FAM241A: variants seen among roughly 807,000 people sequenced by gnomAD.
The protein encoded by FAM241A is uncharacterized protein FAM241A.
In FAM241A, 7 loss-of-function variants were observed where a neutral mutation model predicts 12.2. That is an observed-to-expected ratio of 0.58 (90% CI 0.33 to 1.08). The LOEUF (loss-of-function observed/expected upper bound fraction) is 1.08. Ranked by LOEUF, FAM241A falls within the 50% of genes least tolerant of loss-of-function variation. The pLI, the probability that FAM241A is intolerant of heterozygous loss-of-function variation, is 0.04. For missense variants in FAM241A, 161 were observed against 169.7 expected, an observed-to-expected ratio of 0.95 and a Z score of 0.29; for synonymous variants, 74 against 68.2, an observed-to-expected ratio of 1.08 and a Z score of -0.42.
At chr4:112,164,839 C>G (rs375318104) in intron 1 of FAM241A, among the ~76,000 whole-genome samples, 5 of 152,100 alleles carry the variant, frequency 3.3e-5, no homozygotes, top group Non-Finnish European at 7.4e-5. Context: ...GGCCAGGTGC[C>G]GTGGCTCACG....
At chr4:112,153,258 A>G (rs575059657) in intron 1 of FAM241A, among the ~76,000 whole-genome samples, 23 of 152,284 alleles carry the variant, frequency 1.5e-4, no homozygotes, top group African/African-American at 5.3e-4. Flanking sequence ...AAAAATACCC[A>G]CCTCCTCTGT....
At chr4:112,170,927 C>T (rs1009059086) in intron 1 of FAM241A, among the ~76,000 whole-genome samples, 3 of 148,600 alleles carry the variant, frequency 2.0e-5, no homozygotes, top group African/African-American at 7.4e-5. Context: ...GCTCAATGTG[C>T]TTAGTCTTTG....
chr4:112,157,854 C>A (rs968871705), intron 1 of FAM241A, among the ~76,000 whole-genome samples: 6 of 152,224 alleles, frequency 3.9e-5, no homozygotes, highest in African/African-American at 1.4e-4. Flanking sequence ...AGCATATTTT[C>A]TCTGACTGTT....
intron 1 of FAM241A, among the ~76,000 whole-genome samples, chr4:112,146,701 C>T (rs1461562860): frequency 6.6e-6 from 1 of 152,192 alleles, no homozygotes; most frequent in Non-Finnish European, 1.5e-5. Flanking sequence ...TGTCACGTTT[C>T]ACAAATTCCA....
chr4:112,151,312 T>C (rs1020387052), intron 1 of FAM241A, among the ~76,000 whole-genome samples: 1 of 152,220 alleles, frequency 6.6e-6, no homozygotes, highest in Non-Finnish European at 1.5e-5. Context: ...TCTGCCATGA[T>C]TGTAAGCTTC....
chr4:112,171,655 C>A (rs1019749007), intron 1 of FAM241A: 1 of 475,970 alleles, frequency 2.1e-6, no homozygotes, highest in South Asian at 2.0e-5. Context: ...GTTAGGAGAT[C>A]GAGACTATCC....
chr4:112,171,259 G>A (rs1723713160), intron 1 of FAM241A: 2 of 748,594 alleles, frequency 2.7e-6, no homozygotes, highest in Admixed American at 3.4e-5. Flanking sequence ...TGTACGAAGT[G>A]TGGCAAGCAC....
chr4:112,183,370 A>T (rs147615431), intron 1 of FAM241A, among the ~76,000 whole-genome samples: 4 of 152,234 alleles, frequency 2.6e-5, no homozygotes, highest in Non-Finnish European at 5.9e-5. Flanking sequence ...TTCCAGTCTC[A>T]ATCCCACCAG....
At chr4:112,152,956 T>A (rs944654138) in intron 1 of FAM241A, among the ~76,000 whole-genome samples, 1 of 152,322 alleles carries the variant, frequency 6.6e-6, no homozygotes, top group African/African-American at 2.4e-5. Context: ...CAATAAATAT[T>A]TGCTCCTTAT....
chr4:112,173,455 GA>G lies in FAM241A; in HGVS notation c.154-13232del, dbSNP rs1424164068. Among the ~76,000 whole-genome samples the G allele has an allele frequency of 2.0e-5, 3 of 152,106 alleles. No individual in the cohort carries two copies. The East Asian group carries it at 5.8e-4, about 29-fold the overall frequency. The stretch of plus-strand genomic sequence containing the variant: ...CTGGTTAACTTTCTTTAGGCTTAAT[GA>G]AAAAATGAGTTAATTACCAGCTAAA... On this transcript the variant is annotated intron_variant, in intron 1 of 1. Transcript: ENST00000309733.
rs1488711705 is a variant in FAM241A, at chr4:112,195,176, T to C, written c.*8238T>C. ...CTCCAGAAGAAATCCACTATTACAG[T>C]GTCCTAGTAGCCCAGACATATGTGT... On this transcript the variant is annotated 3_prime_UTR_variant, in exon 2 of 2. Coordinates refer to ENST00000309733, the MANE Select transcript of FAM241A (RefSeq NM_152400.3). 1 of 152,248 alleles carries C rather than the reference T, an allele frequency of 6.6e-6. No individual in the cohort carries two copies. Among genetic ancestry groups the C allele is most frequent in the East Asian group, 1.9e-4 (1 of 5,204 alleles). The allele number at this position is 152,248 out of a possible 1,614,324, so 9.4% of individuals were successfully genotyped here.
chr4:112,160,529 A>G (rs914674453), intron 1 of FAM241A, among the ~76,000 whole-genome samples: 3 of 152,194 alleles, frequency 2.0e-5, no homozygotes, highest in Non-Finnish European at 4.4e-5. Flanking sequence ...TACCAATGAC[A>G]TCCATCACAG....
At chr4:112,167,074 A>G (rs1723613610) in intron 1 of FAM241A, among the ~76,000 whole-genome samples, 1 of 140,320 alleles carries the variant, frequency 7.1e-6, no homozygotes, top group Non-Finnish European at 1.5e-5. Flanking sequence ...AGATCCCGCC[A>G]CTGCACTCCA....
At chr4:112,149,088 G>T (rs62313746) in intron 1 of FAM241A, among the ~76,000 whole-genome samples, 1 of 458 alleles carries the variant, frequency 2.2e-3, no homozygotes, top group Non-Finnish European at 4.5e-3. Flanking sequence ...CTCTATTTTG[G>T]GATTTTGATA....
intron 1 of FAM241A, among the ~76,000 whole-genome samples, chr4:112,182,066 A>T (rs1723952319): frequency 6.6e-6 from 1 of 152,186 alleles, no homozygotes; most frequent in Non-Finnish European, 1.5e-5. Context: ...ACTTTAAAGA[A>T]ATACTTAGAA....
At chr4:112,145,846 TG>T in intron 1 of FAM241A, 113 bp downstream of exon 1, 1 of 594,444 alleles carries the variant, frequency 1.7e-6, no homozygotes, top group Non-Finnish European at 2.2e-6. Context: ...CTGCCCCGCG[TG>T]GGCACTGGCT....
intron 1 of FAM241A, chr4:112,171,254 G>A (rs72664570): frequency 0.026 from 19,667 of 744,332 alleles, 383 homozygotes; most frequent in Non-Finnish European, 0.033. Context: ...CTTTCTGTAC[G>A]AAGTGTGGCA....
rs1170243046 is a variant in FAM241A, at chr4:112,155,522, T to A, written c.153+9789T>A. Among the ~76,000 whole-genome samples the A allele has an allele frequency of 4.6e-5, 7 of 151,512 alleles. 1 individual carries two copies. The highest frequency in any genetic ancestry group is 2.6e-4 in the Admixed American group (4 of 15,208). ...GTGACAAACAAGTTATAATGATAAGTTATAAATTATATAATATAATATAAT... is the reference window on the plus strand; with the variant it reads ...GTGACAAACAAGTTATAATGATAAGATATAAATTATATAATATAATATAAT... On this transcript the variant is annotated intron_variant, in intron 1 of 1. Coordinates refer to ENST00000309733, the MANE Select transcript of FAM241A (RefSeq NM_152400.3).
At chr4:112,176,142 A>G (rs1449762531) in intron 1 of FAM241A, among the ~76,000 whole-genome samples, 1 of 152,214 alleles carries the variant, frequency 6.6e-6, no homozygotes, top group Non-Finnish European at 1.5e-5. Context: ...GATGTTCCAT[A>G]GAAAACATCC....
Sources: gnomAD v4.1 joint callset for allele counts (sites outside exome capture counted in the v4.1 genomes callset) on GRCh38, gnomAD v4.1.1 for gene constraint, MANE v1.5 for transcripts, NCBI Gene and HGNC (gene_info 2026-07-23, HGNC 2026-07-21) for gene names.